ESR2: variants seen among roughly 807,000 people sequenced by gnomAD.
ESR2 encodes the protein estrogen receptor 2.
A neutral mutation model predicts 49.6 loss-of-function variants in ESR2; 36 were observed. The observed-to-expected ratio is 0.73, with a 90% confidence interval of 0.56 to 0.96. The LOEUF (loss-of-function observed/expected upper bound fraction) is 0.96. Ranked by LOEUF, ESR2 falls within the 40% of genes least tolerant of loss-of-function variation. ESR2 has a pLI of 0.00. For synonymous variants in ESR2, 320 were observed against 266.1 expected, an observed-to-expected ratio of 1.20 and a Z score of -1.97; for missense variants, 714 against 693.0, an observed-to-expected ratio of 1.03 and a Z score of -0.34.
At chr14:64,290,614 G>T (rs2076856339) in intron 1 of ESR2, among the ~76,000 whole-genome samples, 1 of 151,314 alleles carries the variant, frequency 6.6e-6, no homozygotes, top group Non-Finnish European at 1.5e-5. Context: ...ATTTGGCCAG[G>T]CTGGTCTTGA....
At chr14:64,318,153 T>C (rs2077280239) in intron 1 of ESR2, among the ~76,000 whole-genome samples, 1 of 152,194 alleles carries the variant, frequency 6.6e-6, no homozygotes, top group Admixed American at 6.5e-5. Flanking sequence ...ACAGCAAGGT[T>C]GCAAAATACA....
intron 1 of ESR2, among the ~76,000 whole-genome samples, chr14:64,332,942 T>C (rs1311785631): frequency 6.1e-5 from 9 of 146,630 alleles, no homozygotes; most frequent in African/African-American, 2.3e-4. Context: ...AGTGGCGCGA[T>C]CTCAGCTCAC....
chr14:64,325,816 TTAA>T (rs2077383111), intron 1 of ESR2, among the ~76,000 whole-genome samples: 1 of 152,222 alleles, frequency 6.6e-6, no homozygotes, highest in Admixed American at 6.5e-5. Flanking sequence ...TATGATTTTC[TTAA>T]TAACATTTTC....
intron 7 of ESR2, among the ~76,000 whole-genome samples, chr14:64,240,935 G>T (rs2075711272): frequency 6.6e-6 from 1 of 151,804 alleles, no homozygotes; most frequent in Non-Finnish European, 1.5e-5. Flanking sequence ...ACGAGATCAG[G>T]AGATCGAGAC....
At chr14:64,312,339 G>A (rs1176591294) in intron 1 of ESR2, among the ~76,000 whole-genome samples, 3 of 152,004 alleles carry the variant, frequency 2.0e-5, no homozygotes, top group African/African-American at 4.8e-5. Flanking sequence ...TGAAAAGGAA[G>A]ACTTAAGCCC....
chr14:64,261,332 G>A (rs1433686434), intron 4 of ESR2, among the ~76,000 whole-genome samples: 3 of 144,464 alleles, frequency 2.1e-5, no homozygotes, highest in African/African-American at 7.8e-5. Flanking sequence ...CCGCCTACCG[G>A]GTTCACGCCA....
rs1036313020 is a variant in ESR2, at chr14:64,230,827, T to C, written c.*2310A>G. The stretch of plus-strand genomic sequence containing the variant: ...GCCAGTTCACTCCCAGGAGTAGAAG[T>C]GATCTCTGTCTTAAGATCTACTCTC... On this transcript the variant is annotated 3_prime_UTR_variant, in exon 9 of 9. Coordinates refer to ENST00000341099, the MANE Select transcript of ESR2 (RefSeq NM_001437.3). 6.7e-6 allele frequency: 1 copy of C among 149,238 alleles called. No homozygotes were observed. The highest frequency in any genetic ancestry group is 2.5e-5 in the African/African-American group (1 of 40,428). The allele number at this position is 149,238 out of a possible 1,614,324, so 9.2% of individuals were successfully genotyped here.
chr14:64,268,947 T>A, intron 3 of ESR2, 36 bp from the exon 4 acceptor site: 2 of 1,151,298 alleles, frequency 1.7e-6, no homozygotes, highest in Non-Finnish European at 2.6e-6. Context: ...AGATTATTGC[T>A]ATGATCTCTT....
chr14:64,243,626 T>G (rs1376143322), intron 7 of ESR2, among the ~76,000 whole-genome samples: 1 of 152,366 alleles, frequency 6.6e-6, no homozygotes, highest in East Asian at 1.9e-4. Flanking sequence ...AGGATCATAA[T>G]GGCTTTTAGT....
chr14:64,227,955 A>G, downstream of ESR2: 2 of 1,586,632 alleles, frequency 1.3e-6, no homozygotes, highest in Non-Finnish European at 1.7e-6. Context: ...TTCTAATCAA[A>G]CTCAGAATGA....
At chr14:64,282,549 T>A (rs1030739928) in intron 2 of ESR2, 75 bp downstream of exon 2, 1 of 1,436,042 alleles carries the variant, frequency 7.0e-7, no homozygotes, top group African/African-American at 1.4e-5. Flanking sequence ...TAACATATTA[T>A]TTCCTTCTCA....
upstream of ESR2, among the ~76,000 whole-genome samples, chr14:64,296,928 G>A (rs1431324930): frequency 1.3e-5 from 2 of 152,160 alleles, no homozygotes; most frequent in Admixed American, 1.3e-4. Flanking sequence ...AATGCAGAGT[G>A]GAGAGGATGA....
intron 6 of ESR2, among the ~76,000 whole-genome samples, chr14:64,250,480 C>A (rs1227347604): frequency 6.6e-6 from 1 of 152,164 alleles, no homozygotes. Context: ...TTCACTCCAG[C>A]CAGACACACA....
At chr14:64,289,426 C>A (rs150016004) in intron 1 of ESR2, among the ~76,000 whole-genome samples, 1 of 151,854 alleles carries the variant, frequency 6.6e-6, no homozygotes, top group African/African-American at 2.4e-5. Context: ...GCAGGACAAT[C>A]GCTTGAACCT....
intron 6 of ESR2, among the ~76,000 whole-genome samples, chr14:64,253,562 G>C (rs1479229073): frequency 1.6e-5 from 1 of 60,966 alleles, no homozygotes; most frequent in African/African-American, 7.3e-5. Flanking sequence ...TACACTATTT[G>C]TGTGTGTGTG....
intron 3 of ESR2, among the ~76,000 whole-genome samples, chr14:64,271,719 G>T (rs961607116): frequency 6.6e-6 from 1 of 152,246 alleles, no homozygotes; most frequent in South Asian, 2.1e-4. Flanking sequence ...TTGCATCTGT[G>T]TTGTTGCAAG....
intron 1 of ESR2, among the ~76,000 whole-genome samples, chr14:64,286,194 AG>A (rs1266813309): frequency 1.3e-5 from 2 of 152,206 alleles, no homozygotes; most frequent in African/African-American, 4.8e-5. Context: ...ATTTGGACCA[AG>A]GAGAGGAGAG....
In ESR2 at chr14:64,260,765, A is replaced by T. The variant is rs1218490417; in HGVS notation, c.653-17T>A. The T allele has an allele frequency of 6.9e-7, 1 of 1,442,380 alleles. No individual in the cohort carries two copies. Among genetic ancestry groups the T allele is most frequent in the Non-Finnish European group, 9.1e-7 (1 of 1,097,280 alleles). The allele number at this position is 1,442,380 out of a possible 1,614,324, so 89.3% of individuals were successfully genotyped here. On this transcript the variant is annotated splice_polypyrimidine_tract_variant and intron_variant, in intron 4 of 8. Transcript: ENST00000341099. The stretch of plus-strand genomic sequence containing the variant: ...TCCGGGAGCCTGAAGAGGAAAGCAG[A>T]GTCATTCGAATTGCCAGGGTAAAAC...
downstream of ESR2, chr14:64,227,932 GTAAAGGATATAATTC>G (rs1284676734): frequency 1.9e-6 from 3 of 1,596,810 alleles, no homozygotes; most frequent in African/African-American, 4.0e-5. Context: ...CTCCCCATCT[GTAAAGGATATAATTC>G]TAATCAAACT....
Sources: gnomAD v4.1 joint callset for allele counts (sites outside exome capture counted in the v4.1 genomes callset) on GRCh38, gnomAD v4.1.1 for gene constraint, MANE v1.5 for transcripts, NCBI Gene and HGNC (gene_info 2026-07-23, HGNC 2026-07-21) for gene names.